INVS: variants seen among roughly 807,000 people sequenced by gnomAD.
INVS encodes the protein inversin.
Under a neutral mutation model 108.8 loss-of-function variants are expected in INVS, and 86 were observed. The observed-to-expected ratio is 0.79, with a 90% CI of 0.66 to 0.95. INVS has a LOEUF of 0.95. Among genes scored for constraint, INVS ranks in the 40% least tolerant of loss-of-function variants. The probability of loss-of-function intolerance (pLI) is 0.00; values close to 1 mark genes in which losing one functional copy is unlikely to be tolerated. For missense variants in INVS, 1,169 were observed against 1,297.4 expected (o/e 0.90, Z 1.52); for synonymous variants, 455 against 473.5 (o/e 0.96, Z 0.51).
At chr9:100,181,347 C>T (rs560744344) in intron 3 of INVS, among the ~76,000 whole-genome samples, 2 of 152,238 alleles carry the variant, frequency 1.3e-5, no homozygotes, top group South Asian at 2.1e-4. Context: ...TTGCAGATGA[C>T]ATGATTGTAT....
chr9:100,273,002 G>A lies in INVS; in HGVS notation c.1710G>A (p.Lys570=), dbSNP rs750545598. Residue 570 remains lysine, a synonymous_variant, in exon 12 of 17, where the codon AAG becomes AAA. Coordinates refer to ENST00000262457, the MANE Select transcript of INVS (RefSeq NM_014425.5). ...FKIQAVYKGY[K]VRKAFRDRKN... Reference sequence around the variant, plus strand: ...TCCAAGCTGTCTACAAAGGGTACAAGGTCAGAAAAGCCTTCCGAGACAGGA... The same window carrying A: ...TCCAAGCTGTCTACAAAGGGTACAAAGTCAGAAAAGCCTTCCGAGACAGGA... 1 of 1,614,030 alleles carries A rather than the reference G, an allele frequency of 6.2e-7. No individual in the cohort carries two copies. Among genetic ancestry groups the A allele is most frequent in the Non-Finnish European group, 8.5e-7 (1 of 1,180,012 alleles).
chr9:100,209,395 G>A (rs1017647232), intron 3 of INVS, among the ~76,000 whole-genome samples: 19 of 152,260 alleles, frequency 1.2e-4, no homozygotes, highest in African/African-American at 4.6e-4. Context: ...AGGAAACAGA[G>A]GCTAGGAAAA....
intron 3 of INVS, among the ~76,000 whole-genome samples, chr9:100,156,526 G>A (rs757145635): frequency 6.6e-5 from 10 of 151,840 alleles, no homozygotes; most frequent in Non-Finnish European, 1.5e-4. Flanking sequence ...GCCTCCCAAG[G>A]TGCTAGTGTA....
intron 3 of INVS, among the ~76,000 whole-genome samples, chr9:100,193,980 T>C (rs1830300475): frequency 6.6e-6 from 1 of 152,230 alleles, no homozygotes; most frequent in Non-Finnish European, 1.5e-5. Flanking sequence ...CATTTGCCTG[T>C]TGGTGAACAT....
intron 3 of INVS, among the ~76,000 whole-genome samples, chr9:100,133,271 C>T (rs1828109003): frequency 6.6e-6 from 1 of 152,146 alleles, no homozygotes; most frequent in African/African-American, 2.4e-5. Context: ...CCTTCTTTCC[C>T]TGTCTCCTCA....
At chr9:100,114,654 C>G (rs1375027036) in intron 2 of INVS, among the ~76,000 whole-genome samples, 2 of 152,128 alleles carry the variant, frequency 1.3e-5, no homozygotes, top group East Asian at 3.9e-4. Flanking sequence ...ATCTTCCCCC[C>G]ATCAGCCTCC....
chr9:100,145,658 C>A (rs1027060653), intron 3 of INVS, among the ~76,000 whole-genome samples: 27 of 152,126 alleles, frequency 1.8e-4, no homozygotes, highest in African/African-American at 6.5e-4. Flanking sequence ...AAAAGCAGTA[C>A]TTGCTGCTAA....
intron 10 of INVS, among the ~76,000 whole-genome samples, chr9:100,259,621 T>C (rs1476084597): frequency 7.2e-6 from 1 of 139,006 alleles, no homozygotes; most frequent in African/African-American, 2.7e-5. Context: ...CACTGCAACC[T>C]CCACCTCCCG....
chr9:100,185,774 G>T (rs545554059), intron 3 of INVS, among the ~76,000 whole-genome samples: 1 of 151,944 alleles, frequency 6.6e-6, no homozygotes, highest in African/African-American at 2.4e-5. Context: ...CCATAGCTTA[G>T]CTTCCACTTA....
chr9:100,230,644 G>A (rs767421760), intron 5 of INVS, among the ~76,000 whole-genome samples: 2 of 151,922 alleles, frequency 1.3e-5, no homozygotes, highest in Admixed American at 6.6e-5. Context: ...TCAGCGTCCC[G>A]GGTAGCTGGG....
intron 3 of INVS, among the ~76,000 whole-genome samples, chr9:100,190,759 T>C (rs181881254): frequency 3.9e-5 from 6 of 152,312 alleles, no homozygotes; most frequent in Non-Finnish European, 7.4e-5. Flanking sequence ...TTTTCCTTTA[T>C]AGGTTACCTG....
intron 2 of INVS, among the ~76,000 whole-genome samples, chr9:100,112,452 A>G (rs914920207): frequency 7.9e-5 from 12 of 152,188 alleles, no homozygotes; most frequent in Non-Finnish European, 1.5e-4. Context: ...TGTATCTTAT[A>G]TAAGACTTAG....
chr9:100,115,376 A>G (rs181325632), intron 2 of INVS, among the ~76,000 whole-genome samples: 80 of 152,160 alleles, frequency 5.3e-4, no homozygotes, highest in African/African-American at 1.9e-3. Context: ...ACATATGTAT[A>G]CATGTGCCAT....
chr9:100,174,277 G>C (rs138871735), intron 3 of INVS, among the ~76,000 whole-genome samples: 71 of 152,016 alleles, frequency 4.7e-4, no homozygotes, highest in African/African-American at 1.6e-3. Flanking sequence ...TCTATAAAAA[G>C]AACTAATGGA....
chr9:100,261,265 C>CTTTT (rs1191530321), intron 10 of INVS, among the ~76,000 whole-genome samples: 2 of 136,334 alleles, frequency 1.5e-5, no homozygotes, highest in South Asian at 2.4e-4. Flanking sequence ...AGGAATGCAT[C>CTTTT]TTTTTTTTTT....
At position 100,273,074 on chromosome 9, in the gene INVS, CAAGT is replaced by C; in HGVS notation, c.1784+4_1784+7del. The C allele has an allele frequency of 6.2e-7, 1 of 1,612,904 alleles. No individual in the cohort carries two copies. The highest frequency in any genetic ancestry group is 8.5e-7 in the Non-Finnish European group (1 of 1,179,170). ...AACAGTTGAGAAAAGATGCTGCTGCCAAGTAAGTATGAGCTACGCAGATTGCGTT... is the reference window on the plus strand; with the variant it reads ...AACAGTTGAGAAAAGATGCTGCTGCCAAGTATGAGCTACGCAGATTGCGTT... On this transcript the variant is annotated splice_donor_variant and coding_sequence_variant, in exon 12 of 17. Coordinates refer to ENST00000262457, the MANE Select transcript of INVS (RefSeq NM_014425.5). LOFTEE classifies it high-confidence loss of function.
chr9:100,246,147 C>A, intron 7 of INVS, among the ~76,000 whole-genome samples: 1 of 147,020 alleles, frequency 6.8e-6, no homozygotes, highest in African/African-American at 2.5e-5. Context: ...AGTAAGACTC[C>A]CTCTCAAAAA....
intron 3 of INVS, among the ~76,000 whole-genome samples, chr9:100,196,133 C>A (rs1019246619): frequency 6.6e-6 from 1 of 151,918 alleles, no homozygotes; most frequent in Non-Finnish European, 1.5e-5. Context: ...TTTTTCTTTT[C>A]GATTTGGTAG....
intron 4 of INVS, among the ~76,000 whole-genome samples, chr9:100,228,342 G>A (rs940338597): frequency 2.0e-5 from 3 of 152,168 alleles, no homozygotes; most frequent in African/African-American, 7.2e-5. Context: ...ACTAAAGCAA[G>A]TGCTGCTGTA....
Sources: gnomAD v4.1 joint callset for allele counts (sites outside exome capture counted in the v4.1 genomes callset) on GRCh38, gnomAD v4.1.1 for gene constraint, MANE v1.5 for transcripts, NCBI Gene and HGNC (gene_info 2026-07-23, HGNC 2026-07-21) for gene names.